Variants in DISP1 observed in about 807,000 individuals in gnomAD.
DISP1 encodes protein dispatched homolog 1.
Under a neutral mutation model 37.3 loss-of-function variants are expected in DISP1, and 30 were observed. The ratio of observed to expected loss-of-function variants is 0.80; its 90% CI spans 0.60 to 1.09. The LOEUF is 1.09. Ranked by LOEUF, DISP1 falls within the 50% of genes least tolerant of loss-of-function variation. The probability of loss-of-function intolerance (pLI) is 0.00; values close to 1 mark genes in which losing one functional copy is unlikely to be tolerated. For missense variants in DISP1, 1,598 were observed against 1,879.5 expected (o/e 0.85, Z 2.77); for synonymous variants, 634 against 690.2 (o/e 0.92, Z 1.28).
chr1:222,988,880 T>G (rs895945650), intron 4 of DISP1, among the ~76,000 whole-genome samples: 7 of 152,324 alleles, frequency 4.6e-5, no homozygotes, highest in African/African-American at 1.2e-4. Flanking sequence ...CTCAAACTCC[T>G]GACCTCAGGT....
At chr1:222,971,237 A>G (rs982902295) in intron 3 of DISP1, among the ~76,000 whole-genome samples, 1 of 152,068 alleles carries the variant, frequency 6.6e-6, no homozygotes, top group Admixed American at 6.6e-5. Context: ...TTCACTGTAT[A>G]TTTTTGTCCT....
intron 3 of DISP1, among the ~76,000 whole-genome samples, chr1:222,954,962 G>C (rs1187457224): frequency 1.3e-5 from 2 of 152,198 alleles, no homozygotes; most frequent in Admixed American, 1.3e-4. Context: ...GGTGGGGTGT[G>C]GGGGCTGGGG....
At chr1:222,969,370 C>CAAAAAAAAAAAAAAAAAAAAAAA (rs71178518) in intron 3 of DISP1, among the ~76,000 whole-genome samples, 13 of 29,862 alleles carry the variant, frequency 4.4e-4, no homozygotes, top group African/African-American at 1.1e-3. Flanking sequence ...AACTTGGTCT[C>CAAAAAAAAAAAAAAAAAAAAAAA]AAAAAAAAAA....
intron 3 of DISP1, among the ~76,000 whole-genome samples, chr1:222,956,554 T>C (rs1675611323): frequency 6.6e-6 from 1 of 152,188 alleles, no homozygotes; most frequent in Non-Finnish European, 1.5e-5. Context: ...GATTTATTTA[T>C]GAAGTATGGT....
At chr1:222,866,323 T>TTTGTTGTTGTTG (rs34788109) in intron 1 of DISP1, among the ~76,000 whole-genome samples, 5 of 149,662 alleles carry the variant, frequency 3.3e-5, no homozygotes, top group African/African-American at 7.4e-5. Flanking sequence ...CCGGGATAGT[T>TTTGTTGTTGTTG]TTGTTGTTGT....
chr1:222,888,064 A>G (rs1353050950), intron 1 of DISP1, among the ~76,000 whole-genome samples: 1 of 152,180 alleles, frequency 6.6e-6, no homozygotes, highest in Non-Finnish European at 1.5e-5. Context: ...GATTTTCAAA[A>G]TTGATCTGCC....
intron 1 of DISP1, among the ~76,000 whole-genome samples, chr1:222,849,757 A>G: frequency 6.6e-6 from 1 of 152,160 alleles, no homozygotes. Context: ...TTAAAAACCC[A>G]AATAAAGGTA....
intron 3 of DISP1, among the ~76,000 whole-genome samples, chr1:222,976,085 A>G (rs536016482): frequency 6.6e-6 from 1 of 152,172 alleles, no homozygotes; most frequent in Non-Finnish European, 1.5e-5. Flanking sequence ...CCCACTGAAG[A>G]TTATTGCTGC....
intron 1 of DISP1, among the ~76,000 whole-genome samples, chr1:222,848,793 G>A (rs1172535595): frequency 6.6e-6 from 1 of 152,072 alleles, no homozygotes; most frequent in East Asian, 1.9e-4. Flanking sequence ...GTATAGCAGT[G>A]TACTTAGTTG....
intron 1 of DISP1, among the ~76,000 whole-genome samples, chr1:222,839,567 C>A (rs74696247): frequency 6.6e-6 from 1 of 152,154 alleles, no homozygotes; most frequent in East Asian, 1.9e-4. Context: ...CTGCTTAGTA[C>A]AGAGATGCTC....
At chr1:222,961,603 G>A (rs1169887301) in intron 3 of DISP1, among the ~76,000 whole-genome samples, 1 of 152,168 alleles carries the variant, frequency 6.6e-6, no homozygotes, top group Non-Finnish European at 1.5e-5. Flanking sequence ...ATATAGTATT[G>A]GAAGTTCTGG....
At chr1:222,989,529 C>G (rs1678530206) in intron 4 of DISP1, 1 of 985,206 alleles carries the variant, frequency 1.0e-6, no homozygotes, top group Non-Finnish European at 1.2e-6. Context: ...TTTGAGGTAA[C>G]AAATGAGGGT....
rs1671330953 is a variant in DISP1, at chr1:222,897,467, A to G, written c.-158-30963A>G. The stretch of plus-strand genomic sequence containing the variant: ...GTTTAAAATTTGTACATTTTATTGT[A>G]TATAAATTATACCTCAAAGTTGTTT... On this transcript the variant is annotated intron_variant, in intron 1 of 8. Transcript: ENST00000675850. Among the ~76,000 whole-genome samples, 3 of 152,338 alleles carry G rather than the reference A, an allele frequency of 2.0e-5. No homozygotes were observed. In the South Asian group the frequency reaches 6.2e-4, roughly 32 times the overall value.
chr1:223,004,487 G>T lies in DISP1; in HGVS notation c.3090G>T (p.Leu1030=), dbSNP rs752483806. Residue 1030 remains leucine, a synonymous_variant, in exon 9 of 9, where the codon CTG becomes CTT. Transcript: ENST00000675850. The surrounding 1 kb of genome is among the most constrained non-coding windows in gnomAD (Gnocchi z 4.9). ...IFVTVGSLVL[L]GWELNVLESV... is the part of the protein sequence containing the mutation. ...TCACTGTTGGTTCTCTTGTCCTGCT[G>T]GGCTGGGAGCTCAATGTGTTGGAAT... The T allele has an allele frequency of 3.0e-5, 49 of 1,614,086 alleles. No homozygotes were observed. The highest frequency in any genetic ancestry group is 4.1e-5 in the Non-Finnish European group (48 of 1,180,048).
intron 3 of DISP1, among the ~76,000 whole-genome samples, chr1:222,953,541 A>G (rs1330394626): frequency 6.6e-6 from 1 of 152,134 alleles, no homozygotes; most frequent in African/African-American, 2.4e-5. Flanking sequence ...TAGCCCCCGA[A>G]ACTGAGAGCC....
chr1:222,917,126 C>A (rs1672536905), intron 1 of DISP1, among the ~76,000 whole-genome samples: 1 of 152,174 alleles, frequency 6.6e-6, no homozygotes, highest in Admixed American at 6.5e-5. Context: ...ATATGAAGGG[C>A]TGTAGAAGCT....
chr1:222,844,814 G>A (rs768001029), intron 1 of DISP1, among the ~76,000 whole-genome samples: 5 of 152,128 alleles, frequency 3.3e-5, no homozygotes, highest in Admixed American at 2.6e-4. Flanking sequence ...TGTGTGAGTC[G>A]TTTAAGATAC....
At chr1:222,990,556 T>C in intron 4 of DISP1, 69 bp from the exon 5 acceptor site, 1 of 1,612,364 alleles carries the variant, frequency 6.2e-7, no homozygotes, top group Non-Finnish European at 8.5e-7. Context: ...CGAAGGGCCT[T>C]CTTTGTGCCT....
intron 1 of DISP1, among the ~76,000 whole-genome samples, chr1:222,820,879 A>C (rs1423269814): frequency 6.6e-6 from 1 of 152,232 alleles, no homozygotes; most frequent in African/African-American, 2.4e-5. Context: ...TTACTAGAAG[A>C]CATCACTAGA....
Sources: gnomAD v4.1 joint callset for allele counts (sites outside exome capture counted in the v4.1 genomes callset) on GRCh38, gnomAD v4.1.1 for gene constraint, Gnocchi (gnomAD v3.1) non-coding constraint, MANE v1.5 for transcripts, NCBI Gene and HGNC (gene_info 2026-07-23, HGNC 2026-07-21) for gene names.